SLC35F5: variants seen among roughly 807,000 people sequenced by gnomAD.
The protein encoded by SLC35F5 is HCV NS5A-transactivated protein 3.
In SLC35F5, 54 loss-of-function variants were observed where a neutral mutation model predicts 68.6. The observed-to-expected ratio is 0.79, with a 90% CI of 0.63 to 0.99. The LOEUF (loss-of-function observed/expected upper bound fraction) is 0.99. SLC35F5 is among the 50% of genes least tolerant of loss of function. The pLI is 0.00. For missense variants in SLC35F5, 567 were observed against 626.9 expected (o/e 0.90, Z 1.02); for synonymous variants, 211 against 205.2 (o/e 1.03, Z -0.24).
chr2:113,726,258 G>A (rs1007791919), intron 11 of SLC35F5, among the ~76,000 whole-genome samples: 4 of 152,056 alleles, frequency 2.6e-5, no homozygotes, highest in African/African-American at 9.7e-5. Flanking sequence ...TTAGGTTGCT[G>A]GGAAGATTAG....
chr2:113,728,309 A>T (rs980876024), intron 11 of SLC35F5, among the ~76,000 whole-genome samples: 17 of 151,890 alleles, frequency 1.1e-4, no homozygotes, highest in Admixed American at 4.6e-4. Context: ...GTCTTTTTTT[A>T]AAAAAAATTA....
intron 7 of SLC35F5, chr2:113,741,977 T>C (rs1203382223): frequency 2.0e-5 from 3 of 152,184 alleles, no homozygotes; most frequent in Non-Finnish European, 4.4e-5. Flanking sequence ...ATTTGAATCT[T>C]AAAGGCTCAT....
At chr2:113,738,509 T>G (rs1013614514) in intron 7 of SLC35F5, among the ~76,000 whole-genome samples, 9 of 152,232 alleles carry the variant, frequency 5.9e-5, no homozygotes, top group African/African-American at 2.2e-4. Flanking sequence ...CGATAGACAC[T>G]CAGGTTGTTC....
downstream of SLC35F5, among the ~76,000 whole-genome samples, chr2:113,704,675 G>C (rs970720568): frequency 6.6e-6 from 1 of 151,864 alleles, no homozygotes; most frequent in Non-Finnish European, 1.5e-5. Flanking sequence ...GCCCGGGGCC[G>C]GCAGGGCCTG....
chr2:113,704,400 G>A (rs1215167444), downstream of SLC35F5, among the ~76,000 whole-genome samples: 2 of 152,322 alleles, frequency 1.3e-5, no homozygotes, highest in East Asian at 1.9e-4. Context: ...GGAGCTGCCC[G>A]CCAGTCCCGC....
intron 1 of SLC35F5, chr2:113,755,973 T>G: frequency 6.5e-7 from 1 of 1,547,916 alleles, no homozygotes; most frequent in Non-Finnish European, 8.7e-7. Flanking sequence ...AGTGATTTGC[T>G]GTGGGTCTTG....
chr2:113,735,629 G>A (rs1688060140), intron 8 of SLC35F5, 148 bp downstream of exon 8: 4 of 517,018 alleles, frequency 7.7e-6, no homozygotes, highest in Non-Finnish European at 1.4e-5. Flanking sequence ...ACTGTATACA[G>A]ATTAAAAGGC....
chr2:113,743,599 T>C, intron 6 of SLC35F5, 114 bp downstream of exon 6: 1 of 698,490 alleles, frequency 1.4e-6, no homozygotes, highest in South Asian at 2.3e-5. Flanking sequence ...ATAGGCTGAG[T>C]CAAGACCACA....
intron 14 of SLC35F5, 63 bp downstream of exon 14, chr2:113,719,091 G>T (rs1687321098): frequency 2.1e-6 from 3 of 1,451,780 alleles, no homozygotes; most frequent in Non-Finnish European, 2.8e-6. Flanking sequence ...AGGCCAGCAT[G>T]ATGCAATTCT....
chr2:113,718,865 AAAAGAAAGAAAGAAAGAAAGAAAG>A lies in SLC35F5; in HGVS notation c.1496+265_1496+288del, dbSNP rs765844454. ...AAGGAAAGAAAAAGAGAGAGAAAGA[AAAAGAAAGAAAGAAAGAAAGAAAG>A]AAAGAAAGAAAGAAAGAAAGAAAGA... On this transcript the variant is annotated intron_variant, in intron 14 of 15. Transcript: ENST00000245680. 2.4e-3 allele frequency among the ~76,000 whole-genome samples: 292 copies of A among 123,514 alleles called. 2 individuals carry two copies. The highest frequency in any genetic ancestry group is 7.9e-3 in the African/African-American group (247 of 31,136). 81.0% of individuals were successfully genotyped at this position (123,514 alleles called of 152,430 possible).
rs1676315593 is a variant in SLC35F5 at position 113,742,500 on chromosome 2, T to C, written c.750+192A>G. 5.0e-6 allele frequency: 3 copies of C among 601,282 alleles called. No homozygotes were observed. The Admixed American group carries it at 9.0e-5, about 18-fold the overall frequency. The allele number at this position is 601,282 out of a possible 1,614,324, so 37.2% of individuals were successfully genotyped here. On this transcript the variant is annotated intron_variant, in intron 7 of 15. Coordinates refer to ENST00000245680, the MANE Select transcript of SLC35F5 (RefSeq NM_025181.5). Reference sequence around the variant, plus strand: ...AAGTGTTATAGGACTTAATGAATTCTAACTCTTTGAGGTATATCAAGCATT... The same window carrying C: ...AAGTGTTATAGGACTTAATGAATTCCAACTCTTTGAGGTATATCAAGCATT...
intron 4 of SLC35F5, among the ~76,000 whole-genome samples, chr2:113,748,667 T>C (rs553659038): frequency 1.3e-5 from 2 of 152,340 alleles, no homozygotes; most frequent in East Asian, 3.9e-4. Flanking sequence ...ATGATGTATA[T>C]ATAATTTCTA....
In SLC35F5 at chr2:113,708,156, T is replaced by C. The variant is rs932245297; in HGVS notation, c.*7062A>G. On this transcript the variant is annotated 3_prime_UTR_variant, in exon 16 of 16. Coordinates refer to ENST00000245680, the MANE Select transcript of SLC35F5 (RefSeq NM_025181.5). ...TAAGACCATTCTGGATGAATGCAAA[T>C]GCTTGATTCAATTTTCCCAAATCCC... is the stretch of plus-strand genomic sequence containing the variant. Among the ~76,000 whole-genome samples, 1 of 152,176 alleles carries C rather than the reference T, an allele frequency of 6.6e-6. No individual in the cohort carries two copies. The highest frequency in any genetic ancestry group is 1.5e-5 in the Non-Finnish European group (1 of 68,026).
intron 5 of SLC35F5, among the ~76,000 whole-genome samples, chr2:113,744,664 T>C (rs560576626): frequency 1.1e-4 from 16 of 152,142 alleles, no homozygotes; most frequent in African/African-American, 3.1e-4. Context: ...GGTAGGCAAA[T>C]TGCTTGAAAC....
At chr2:113,755,427 TAC>T in intron 2 of SLC35F5, 25 bp downstream of exon 2, 1 of 1,611,988 alleles carries the variant, frequency 6.2e-7, no homozygotes. Context: ...GTGTGAAAGT[TAC>T]ATAGAGGATA....
intron 9 of SLC35F5, among the ~76,000 whole-genome samples, chr2:113,733,774 C>T (rs1687983811): frequency 6.6e-6 from 1 of 152,218 alleles, no homozygotes; most frequent in Middle Eastern, 3.2e-3. Flanking sequence ...ATCATTTTCT[C>T]AACTAGGAAA....
chr2:113,746,181 T>C (rs1240187078), intron 5 of SLC35F5, 96 bp downstream of exon 5: 17 of 898,196 alleles, frequency 1.9e-5, no homozygotes, highest in African/African-American at 3.3e-5. Flanking sequence ...CATATCTATG[T>C]TGTAATACAG....
chr2:113,718,805 A>G (rs1687275192), intron 14 of SLC35F5, among the ~76,000 whole-genome samples: 1 of 151,878 alleles, frequency 6.6e-6, no homozygotes, highest in South Asian at 2.1e-4. Flanking sequence ...GAAAGAGAAA[A>G]AAAGAAGAAA....
Position 113,741,399 on chromosome 2 carries a change from G to A in SLC35F5, c.750+1293C>T, listed in dbSNP as rs1424949038. Among the ~76,000 whole-genome samples, 4 of 152,122 alleles carry A rather than the reference G, an allele frequency of 2.6e-5. No homozygotes were observed. The South Asian group carries it at 6.2e-4, about 24-fold the overall frequency. ...GTGAATGTACTTTATGCCACTTACT[G>A]TACACTTAAAAATGATCAGGGCCAG... is the stretch of plus-strand genomic sequence containing the variant. On this transcript the variant is annotated intron_variant, in intron 7 of 15. Transcript: ENST00000245680.
Sources: allele counts gnomAD v4.1 joint callset (sites outside exome capture counted in the v4.1 genomes callset), GRCh38; gene constraint gnomAD v4.1.1; transcripts MANE v1.5; gene names NCBI Gene and HGNC (gene_info 2026-07-23, HGNC 2026-07-21).